The following DCC variants were observed in gnomAD, a reference collection of about 807,000 sequenced individuals.
DCC encodes the protein netrin receptor DCC.
Under a neutral mutation model 172.5 loss-of-function variants are expected in DCC, and 58 were observed. The ratio of observed to expected loss-of-function variants is 0.34; its 90% CI spans 0.27 to 0.42. DCC has a LOEUF of 0.42. Among genes scored for constraint, DCC ranks in the 10% least tolerant of loss-of-function variants. The probability of loss-of-function intolerance (pLI) is 1.00; values close to 1 mark genes in which losing one functional copy is unlikely to be tolerated. For synonymous variants in DCC, 709 were observed against 644.5 expected (o/e 1.10, Z -1.52); for missense variants, 1,740 against 1,791.0 (o/e 0.97, Z 0.51).
intron 24 of DCC, among the ~76,000 whole-genome samples, chr18:53,462,580 TAATAGA>T (rs1277440832): frequency 6.6e-6 from 1 of 151,994 alleles, no homozygotes; most frequent in Non-Finnish European, 1.5e-5. Context: ...AATGTAATAA[TAATAGA>T]AATAAAGTGC....
chr18:52,944,057 T>C (rs1267807755), intron 5 of DCC, among the ~76,000 whole-genome samples: 1 of 152,198 alleles, frequency 6.6e-6, no homozygotes, highest in Admixed American at 6.5e-5. Flanking sequence ...CACCTCTGGC[T>C]TGACAACTAG....
intron 5 of DCC, among the ~76,000 whole-genome samples, chr18:52,989,519 G>A (rs563484071): frequency 1.4e-4 from 21 of 152,200 alleles, no homozygotes; most frequent in African/African-American, 3.9e-4. Flanking sequence ...GGGAGACTCC[G>A]TCTCAAAGAA....
intron 18 of DCC, among the ~76,000 whole-genome samples, chr18:53,402,443 CATCA>C (rs1204525554): frequency 2.0e-5 from 3 of 151,576 alleles, no homozygotes; most frequent in Non-Finnish European, 4.4e-5. Flanking sequence ...GATATGTAAT[CATCA>C]ATCTCACTAA....
At chr18:53,161,945 A>G (rs1436606598) in intron 8 of DCC, among the ~76,000 whole-genome samples, 1 of 152,196 alleles carries the variant, frequency 6.6e-6, no homozygotes, top group Non-Finnish European at 1.5e-5. Context: ...TCATCATATT[A>G]TTCTGCCTAG....
chr18:53,267,129 CACACATAT>C (rs1321608846), intron 12 of DCC, among the ~76,000 whole-genome samples: 9 of 145,042 alleles, frequency 6.2e-5, no homozygotes, highest in African/African-American at 2.3e-4. Context: ...CACACACACA[CACACATAT>C]ATATATATAT....
chr18:53,314,311 T>C (rs1399748658), intron 13 of DCC, among the ~76,000 whole-genome samples: 1 of 152,228 alleles, frequency 6.6e-6, no homozygotes, highest in Non-Finnish European at 1.5e-5. Flanking sequence ...TAAATTTTCT[T>C]GATAAAGGTT....
rs1355339820 is a variant in DCC at position 52,340,842 on chromosome 18, G to C, written c.55G>C (p.Gly19Arg). ...WVPKLAFVLF[G>R]ASLFSAHLQV... ...ACCCAAGCTGGCTTTTGTACTCTTC[G>C]GAGCTTCCTTGTTCAGCGCGCATCT... is the stretch of plus-strand genomic sequence containing the variant. The change falls in exon 1 of 29, where the codon GGA becomes CGA. Residue 19 changes from glycine to arginine, a missense_variant. Coordinates refer to ENST00000442544, the MANE Select transcript of DCC (RefSeq NM_005215.4). 2 of 1,614,024 alleles carry C rather than the reference G, an allele frequency of 1.2e-6. No individual in the cohort carries two copies. The highest frequency in any genetic ancestry group is 1.7e-5 in the Admixed American group (1 of 60,006).
chr18:53,492,349 C>CT (rs938401485), intron 26 of DCC, among the ~76,000 whole-genome samples: 11 of 152,060 alleles, frequency 7.2e-5, no homozygotes, highest in African/African-American at 2.7e-4. Flanking sequence ...GTTGTCATTG[C>CT]TTTTGGTGTT....
chr18:52,934,019 C>A (rs1206111849), intron 5 of DCC, among the ~76,000 whole-genome samples: 22 of 151,992 alleles, frequency 1.4e-4, no homozygotes, highest in Admixed American at 1.4e-3. Flanking sequence ...TCATGAGAAG[C>A]CTAAAGCCAG....
At chr18:53,157,546 C>T (rs763566977) in intron 8 of DCC, 34 bp downstream of exon 8, 8 of 1,610,012 alleles carry the variant, frequency 5.0e-6, no homozygotes, top group Admixed American at 1.7e-5. Flanking sequence ...TCAGCTTAAT[C>T]GGTCATCTCT....
chr18:53,306,897 A>G (rs1183114589), intron 13 of DCC, among the ~76,000 whole-genome samples: 1 of 152,230 alleles, frequency 6.6e-6, no homozygotes, highest in Non-Finnish European at 1.5e-5. Flanking sequence ...AGGACAACAT[A>G]CAAACCATAA....
chr18:53,034,012 C>G (rs1472820089), intron 5 of DCC, among the ~76,000 whole-genome samples: 1 of 151,966 alleles, frequency 6.6e-6, no homozygotes, highest in Non-Finnish European at 1.5e-5. Flanking sequence ...GTCTCATTTG[C>G]TAGTTTCATC....
At chr18:53,498,753 T>TTTAGCTAGATG (rs2046058800) in intron 26 of DCC, among the ~76,000 whole-genome samples, 2 of 152,314 alleles carry the variant, frequency 1.3e-5, no homozygotes, top group South Asian at 4.1e-4. Context: ...CATATAACTT[T>TTTAGCTAGATG]TTAGCTAGAT....
At chr18:53,093,071 C>G (rs9952382) in intron 7 of DCC, among the ~76,000 whole-genome samples, 4 of 152,076 alleles carry the variant, frequency 2.6e-5, no homozygotes, top group African/African-American at 9.7e-5. Flanking sequence ...GACTTGAGAC[C>G]AGGAGTTTGA....
At chr18:53,332,193 C>G (rs191692600) in intron 14 of DCC, among the ~76,000 whole-genome samples, 1 of 152,270 alleles carries the variant, frequency 6.6e-6, no homozygotes, top group East Asian at 1.9e-4. Flanking sequence ...TGTCAAAACT[C>G]CCTTTTAAGA....
intron 5 of DCC, among the ~76,000 whole-genome samples, chr18:52,991,914 A>G (rs1473116865): frequency 6.6e-6 from 1 of 152,202 alleles, no homozygotes; most frequent in Non-Finnish European, 1.5e-5. Flanking sequence ...GCTAGCAGCT[A>G]AACAAATCAC....
intron 15 of DCC, among the ~76,000 whole-genome samples, chr18:53,364,101 T>G (rs185732818): frequency 3.3e-5 from 5 of 152,288 alleles, no homozygotes; most frequent in Non-Finnish European, 7.4e-5. Context: ...AGGAAATCAC[T>G]ATTGCCAATT....
At chr18:53,115,537 C>A (rs75219530) in intron 7 of DCC, among the ~76,000 whole-genome samples, 3,023 of 151,576 alleles carry the variant, frequency 0.02, 37 homozygotes, top group Middle Eastern at 0.027. Context: ...CAATTTCACT[C>A]TTAGATTTGA....
chr18:53,397,247 C>T (rs1452896035), intron 17 of DCC, 61 bp from the exon 18 acceptor site: 3 of 1,501,348 alleles, frequency 2.0e-6, no homozygotes, highest in Non-Finnish European at 2.8e-6. Flanking sequence ...TTTTATATGT[C>T]TTGATTTACC....
Sources: allele counts gnomAD v4.1 joint callset (sites outside exome capture counted in the v4.1 genomes callset), GRCh38; gene constraint gnomAD v4.1.1; transcripts MANE v1.5; gene names NCBI Gene and HGNC (gene_info 2026-07-23, HGNC 2026-07-21).